Variants in NCOA1 observed in about 807,000 individuals in gnomAD.
NCOA1 encodes the protein nuclear receptor coactivator 1.
NCOA1 carries 35 observed loss-of-function variants against 150.9 expected under a neutral mutation model. The observed-to-expected ratio is 0.23, with a 90% CI of 0.18 to 0.31. NCOA1 has a LOEUF of 0.31. Ranked by LOEUF, NCOA1 falls within the 10% of genes least tolerant of loss-of-function variation. The pLI is 1.00. For synonymous variants in NCOA1, 590 were observed against 630.0 expected, an observed-to-expected ratio of 0.94 and a Z score of 0.95; for missense variants, 1,491 against 1,749.3, an observed-to-expected ratio of 0.85 and a Z score of 2.63.
At chr2:24,574,532 A>G (rs1382730108) in intron 2 of NCOA1, among the ~76,000 whole-genome samples, 1 of 152,178 alleles carries the variant, frequency 6.6e-6, no homozygotes, top group Non-Finnish European at 1.5e-5. Flanking sequence ...AAAACAATTG[A>G]GAAAAGAAAA....
chr2:24,563,109 T>G (rs1487254097), intron 1 of NCOA1, among the ~76,000 whole-genome samples: 1 of 152,142 alleles, frequency 6.6e-6, no homozygotes. Flanking sequence ...AGTTGGCCAG[T>G]GAGTGGTCAG....
intron 20 of NCOA1, among the ~76,000 whole-genome samples, chr2:24,756,087 AAAAAAAAG>A (rs1664484100): frequency 4.6e-5 from 7 of 151,194 alleles, no homozygotes; most frequent in Admixed American, 4.6e-4. Context: ...AAAAAAAAAA[AAAAAAAAG>A]AATACAAAAT....
intron 19 of NCOA1, among the ~76,000 whole-genome samples, chr2:24,746,454 A>G (rs1000876030): frequency 2.6e-5 from 4 of 152,184 alleles, no homozygotes; most frequent in African/African-American, 9.7e-5. Context: ...AGGCAGGAGA[A>G]TTGCTTGAAC....
intron 17 of NCOA1, among the ~76,000 whole-genome samples, chr2:24,730,046 A>G (rs555051707): frequency 2.0e-5 from 3 of 152,204 alleles, no homozygotes; most frequent in African/African-American, 7.2e-5. Flanking sequence ...GGGTTTCACC[A>G]TATTGGCCAG....
At chr2:24,496,495 A>G (rs1212285669) in intron 1 of NCOA1, among the ~76,000 whole-genome samples, 1 of 152,324 alleles carries the variant, frequency 6.6e-6, no homozygotes, top group East Asian at 1.9e-4. Flanking sequence ...ACAGCATCAA[A>G]GCTGGTATGT....
intron 3 of NCOA1, among the ~76,000 whole-genome samples, chr2:24,621,431 G>GTT (rs1669150798): frequency 1.3e-5 from 1 of 75,540 alleles, no homozygotes; most frequent in Non-Finnish European, 2.5e-5. Context: ...TATTCAGGCA[G>GTT]ATTTTTTTTT....
rs1408341673 is a variant in NCOA1, at chr2:24,699,639, G to A, written c.949+1841G>A. Among the ~76,000 whole-genome samples, 3 of 152,102 alleles carry A rather than the reference G, an allele frequency of 2.0e-5. No homozygotes were observed. In the East Asian group the frequency reaches 5.8e-4, roughly 29 times the overall value. Reference sequence around the variant, plus strand: ...TGTCCAAAGTTCACGTGACTGAATCGAGTGTTTTGGAGATTCTAAACAACC... The same window carrying A: ...TGTCCAAAGTTCACGTGACTGAATCAAGTGTTTTGGAGATTCTAAACAACC... On this transcript the variant is annotated intron_variant, in intron 11 of 22. Coordinates refer to ENST00000348332, the MANE Select transcript of NCOA1 (RefSeq NM_003743.5).
intron 4 of NCOA1, among the ~76,000 whole-genome samples, chr2:24,652,822 T>C (rs1408918384): frequency 6.6e-6 from 1 of 152,136 alleles, no homozygotes; most frequent in Non-Finnish European, 1.5e-5. Context: ...ATATGCAAAT[T>C]GGTTTCCTGA....
At chr2:24,573,978 A>G (rs1377566120) in intron 2 of NCOA1, among the ~76,000 whole-genome samples, 1 of 151,930 alleles carries the variant, frequency 6.6e-6, no homozygotes, top group Non-Finnish European at 1.5e-5. Flanking sequence ...ACTCAACAAA[A>G]TAAATGCCTA....
chr2:24,718,129 G>T (rs1674150397), intron 14 of NCOA1, among the ~76,000 whole-genome samples: 1 of 151,884 alleles, frequency 6.6e-6, no homozygotes, highest in South Asian at 2.1e-4. Context: ...AGAACTTCTG[G>T]CCTCAAGTGA....
chr2:24,699,685 T>C (rs1227844957), intron 11 of NCOA1, among the ~76,000 whole-genome samples: 1 of 152,210 alleles, frequency 6.6e-6, no homozygotes, highest in East Asian at 1.9e-4. Context: ...GTTTTGTGGA[T>C]TGAGCACAGC....
At chr2:24,755,550 T>A (rs1447380875) in intron 20 of NCOA1, among the ~76,000 whole-genome samples, 1 of 152,170 alleles carries the variant, frequency 6.6e-6, no homozygotes, top group Non-Finnish European at 1.5e-5. Context: ...CTGAGAAAAC[T>A]GTGATAGCTG....
At chr2:24,665,204 C>G (rs1242934629) in intron 5 of NCOA1, among the ~76,000 whole-genome samples, 1 of 152,028 alleles carries the variant, frequency 6.6e-6, no homozygotes, top group Non-Finnish European at 1.5e-5. Flanking sequence ...GTACCTTCGT[C>G]TCTAATTATT....
chr2:24,576,149 GTTTTTTTTTTTTTGTTTTTTGTTTT>G (rs750657744), intron 2 of NCOA1, among the ~76,000 whole-genome samples: 58 of 93,990 alleles, frequency 6.2e-4, no homozygotes, highest in South Asian at 1.3e-3. Flanking sequence ...TTTGGCCTTT[GTTTTTTTTTTTTTGTTTTTTGTTTT>G]TTTTTTTTTT....
intron 1 of NCOA1, among the ~76,000 whole-genome samples, chr2:24,535,658 C>T (rs540640034): frequency 1.3e-5 from 2 of 152,292 alleles, no homozygotes; most frequent in East Asian, 3.9e-4. Context: ...GTGACAGAAT[C>T]TCTCAGCATT....
intron 1 of NCOA1, among the ~76,000 whole-genome samples, chr2:24,499,427 A>G (rs540218831): frequency 6.6e-6 from 1 of 152,276 alleles, no homozygotes; most frequent in Admixed American, 6.5e-5. Flanking sequence ...GCATTGTTCT[A>G]TGGCCCTTTG....
intron 3 of NCOA1, among the ~76,000 whole-genome samples, chr2:24,639,431 T>G (rs560525002): frequency 2.2e-4 from 34 of 152,160 alleles, no homozygotes; most frequent in Non-Finnish European, 4.1e-4. Flanking sequence ...TTTTAACTTT[T>G]TCTTGATCAA....
At chr2:24,517,105 C>T (rs936123624) in intron 1 of NCOA1, among the ~76,000 whole-genome samples, 2 of 151,016 alleles carry the variant, frequency 1.3e-5, no homozygotes, top group Non-Finnish European at 3.0e-5. Context: ...ATAATCTCTT[C>T]CGTTAGGTCT....
chr2:24,560,299 G>A (rs1666246937), intron 1 of NCOA1, among the ~76,000 whole-genome samples: 1 of 152,130 alleles, frequency 6.6e-6, no homozygotes, highest in East Asian at 1.9e-4. Context: ...GACAGTTTGT[G>A]TGTAGTCTTT....
Sources: allele counts gnomAD v4.1 joint callset (sites outside exome capture counted in the v4.1 genomes callset), GRCh38; gene constraint gnomAD v4.1.1; transcripts MANE v1.5; gene names NCBI Gene and HGNC (gene_info 2026-07-23, HGNC 2026-07-21).